The following DYRK1A variants were observed in gnomAD, a reference collection of about 807,000 sequenced individuals.
DYRK1A encodes dual specificity tyrosine-phosphorylation-regulated kinase 1A.
Under a neutral mutation model 79.7 loss-of-function variants are expected in DYRK1A, and 9 were observed. The ratio of observed to expected loss-of-function variants is 0.11; its 90% CI spans 0.07 to 0.20. The LOEUF is 0.20. Among genes scored for constraint, DYRK1A ranks in the 10% least tolerant of loss-of-function variants. DYRK1A has a pLI of 1.00. For synonymous variants in DYRK1A, 349 were observed against 329.7 expected, an observed-to-expected ratio of 1.06 and a Z score of -0.63; for missense variants, 622 against 956.0, an observed-to-expected ratio of 0.65 and a Z score of 4.61.
intron 2 of DYRK1A, chr21:37,425,646 A>G (rs539497644): frequency 6.6e-6 from 1 of 152,234 alleles, no homozygotes; most frequent in Non-Finnish European, 1.5e-5. Flanking sequence ...TTCTAGGAAG[A>G]TGACAACAGA....
Position 37,521,573 on chromosome 21 carries a change from C to G in DYRK1A, c.*9042C>G, listed in dbSNP as rs911900759. The G allele has an allele frequency of 4.6e-5, 7 of 152,140 alleles. No homozygotes were observed. The highest frequency in any genetic ancestry group is 1.7e-4 in the African/African-American group (7 of 41,398). The allele number at this position is 152,140 out of a possible 1,614,324, so 9.4% of individuals were successfully genotyped here. On this transcript the variant is annotated 3_prime_UTR_variant, in exon 12 of 12. Transcript: ENST00000647188. ...GAAAGATAAGTAATTACAAGTAAGC[C>G]CAGTGTTTTTAAAAGAGTGTGAACA...
Position 37,518,598 on chromosome 21 carries a change from AAGT to A in DYRK1A, c.*6068_*6070del, listed in dbSNP as rs2053904371. 1 of 150,876 alleles carries A rather than the reference AAGT, an allele frequency of 6.6e-6. No homozygotes were observed. The highest frequency in any genetic ancestry group is 1.5e-5 in the Non-Finnish European group (1 of 67,900). 9.3% of individuals were successfully genotyped at this position (150,876 alleles called of 1,614,324 possible). On this transcript the variant is annotated 3_prime_UTR_variant, in exon 12 of 12. Coordinates refer to ENST00000647188, the MANE Select transcript of DYRK1A (RefSeq NM_001347721.2). ...AAGAGGCGTGTGGCTAATATGACGG[AAGT>A]CTGAATCCAAGGACTTTTTTTTTTT...
intron 1 of DYRK1A, among the ~76,000 whole-genome samples, chr21:37,410,020 A>C (rs567078830): frequency 6.6e-6 from 1 of 152,312 alleles, no homozygotes; most frequent in African/African-American, 2.4e-5. Flanking sequence ...ATTGAACATG[A>C]AGCAGAATGG....
chr21:37,412,342 T>C (rs1184220236), intron 1 of DYRK1A, among the ~76,000 whole-genome samples: 1 of 152,236 alleles, frequency 6.6e-6, no homozygotes, highest in African/African-American at 2.4e-5. Flanking sequence ...AAAGTATGTG[T>C]AGCAGCTTTA....
intron 2 of DYRK1A, among the ~76,000 whole-genome samples, chr21:37,443,568 A>T (rs1256654944): frequency 1.3e-5 from 2 of 152,122 alleles, no homozygotes; most frequent in African/African-American, 4.8e-5. Context: ...TTTGAGTCTT[A>T]CTTCTGAGAT....
chr21:37,502,209 G>A (rs2053471623), intron 9 of DYRK1A: 2 of 152,108 alleles, frequency 1.3e-5, no homozygotes, highest in Admixed American at 6.5e-5. Flanking sequence ...TGTGTTGTGT[G>A]CAACATATGA....
intron 1 of DYRK1A, among the ~76,000 whole-genome samples, chr21:37,399,258 A>T (rs2050012005): frequency 1.3e-5 from 2 of 152,082 alleles, no homozygotes; most frequent in South Asian, 4.2e-4. Flanking sequence ...AAATAAGTGG[A>T]TTTTCCTTTT....
At chr21:37,393,366 C>T (rs2049905587) in intron 1 of DYRK1A, among the ~76,000 whole-genome samples, 1 of 152,180 alleles carries the variant, frequency 6.6e-6, no homozygotes, top group African/African-American at 2.4e-5. Flanking sequence ...AAGAGGTTAC[C>T]TACAGGCACA....
intron 2 of DYRK1A, among the ~76,000 whole-genome samples, chr21:37,462,639 G>A (rs753612690): frequency 6.6e-5 from 10 of 152,136 alleles, no homozygotes; most frequent in Non-Finnish European, 1.5e-4. Flanking sequence ...ACGGATTGAT[G>A]GAGCTCCTTC....
intron 2 of DYRK1A, among the ~76,000 whole-genome samples, chr21:37,461,366 T>C (rs2051832302): frequency 6.6e-6 from 1 of 152,260 alleles, no homozygotes; most frequent in Non-Finnish European, 1.5e-5. Flanking sequence ...GTTTTATTTA[T>C]ATGTAATAAA....
At chr21:37,407,070 T>G (rs976726471) in intron 1 of DYRK1A, among the ~76,000 whole-genome samples, 15 of 152,140 alleles carry the variant, frequency 9.9e-5, no homozygotes, top group African/African-American at 3.6e-4. Context: ...GCGTCTTCAT[T>G]TATATATAAG....
intron 1 of DYRK1A, among the ~76,000 whole-genome samples, chr21:37,416,899 G>C (rs1419821382): frequency 1.3e-5 from 2 of 152,006 alleles, no homozygotes; most frequent in Non-Finnish European, 2.9e-5. Flanking sequence ...AAACAACTTG[G>C]TATTTTCTTC....
At chr21:37,368,647 C>T (rs1031154384) in intron 1 of DYRK1A, among the ~76,000 whole-genome samples, 5 of 152,198 alleles carry the variant, frequency 3.3e-5, no homozygotes, top group East Asian at 1.9e-4. Context: ...GATCGACCAG[C>T]TTGCCCAGCC....
chr21:37,403,026 A>T (rs1323667320), intron 1 of DYRK1A, among the ~76,000 whole-genome samples: 1 of 152,000 alleles, frequency 6.6e-6, no homozygotes, highest in South Asian at 2.1e-4. Flanking sequence ...CAGCCTCCCA[A>T]AGTGCTGGGA....
At chr21:37,441,825 C>T (rs1009856129) in intron 2 of DYRK1A, among the ~76,000 whole-genome samples, 1 of 151,998 alleles carries the variant, frequency 6.6e-6, no homozygotes, top group Admixed American at 6.5e-5. Context: ...GTCTTCATTC[C>T]TTTGTATAGG....
chr21:37,420,201 C>G, intron 1 of DYRK1A, 98 bp from the exon 2 acceptor site: 1 of 422,898 alleles, frequency 2.4e-6, no homozygotes, highest in Non-Finnish European at 4.1e-6. Flanking sequence ...TAATTTTATT[C>G]TTTATGTTTT....
At chr21:37,446,691 T>C (rs903420814) in intron 2 of DYRK1A, among the ~76,000 whole-genome samples, 1 of 152,184 alleles carries the variant, frequency 6.6e-6, no homozygotes, top group Non-Finnish European at 1.5e-5. Flanking sequence ...ATCCCAACTT[T>C]ACAGTAATGG....
chr21:37,515,455 G>C lies in DYRK1A; in HGVS notation c.*2924G>C, dbSNP rs1297190506. On this transcript the variant is annotated 3_prime_UTR_variant, in exon 12 of 12. Coordinates refer to ENST00000647188, the MANE Select transcript of DYRK1A (RefSeq NM_001347721.2). ...GATTCAAAATGCTCATATTTTAGTT[G>C]GTAGCATTTCGACTGGATGTGAGGG... is the stretch of plus-strand genomic sequence containing the variant. 6.6e-6 allele frequency: 1 copy of C among 152,078 alleles called. No individual in the cohort carries two copies. The highest frequency in any genetic ancestry group is 1.5e-5 in the Non-Finnish European group (1 of 68,014). The allele number at this position is 152,078 out of a possible 1,614,324, so 9.4% of individuals were successfully genotyped here. A position where few individuals can be genotyped will look rare whatever the true frequency, so the allele number is the denominator to read the frequency against.
At chr21:37,471,654 C>T (rs1472347378) in intron 2 of DYRK1A, among the ~76,000 whole-genome samples, 1 of 152,142 alleles carries the variant, frequency 6.6e-6, no homozygotes, top group Non-Finnish European at 1.5e-5. Context: ...AGCTGGTCAC[C>T]GGTAGTGCTG....
Sources: gnomAD v4.1 joint callset for allele counts (sites outside exome capture counted in the v4.1 genomes callset) on GRCh38, gnomAD v4.1.1 for gene constraint, MANE v1.5 for transcripts, NCBI Gene and HGNC (gene_info 2026-07-23, HGNC 2026-07-21) for gene names.